Variants in CPNE8 observed in about 807,000 individuals in gnomAD.
CPNE8 encodes copine-8.
In CPNE8, 45 loss-of-function variants were observed where a neutral mutation model predicts 81.5. That is an observed-to-expected ratio of 0.55 (90% CI 0.44 to 0.71). The LOEUF (loss-of-function observed/expected upper bound fraction) is 0.71, where lower values mean the gene tolerates loss of function less well. Ranked by LOEUF, CPNE8 falls within the 30% of genes least tolerant of loss-of-function variation. CPNE8 has a pLI of 0.00. For missense variants in CPNE8, 594 were observed against 672.1 expected, an observed-to-expected ratio of 0.88 and a Z score of 1.28; for synonymous variants, 252 against 226.3, an observed-to-expected ratio of 1.11 and a Z score of -1.02.
chr12:38,709,722 G>T (rs1356152845), intron 13 of CPNE8, among the ~76,000 whole-genome samples: 2 of 152,084 alleles, frequency 1.3e-5, no homozygotes, highest in African/African-American at 2.4e-5. Context: ...AGAGGTTCAG[G>T]TTATTGCAAA....
intron 11 of CPNE8, among the ~76,000 whole-genome samples, chr12:38,727,634 G>T (rs561128910): frequency 6.6e-6 from 1 of 152,148 alleles, no homozygotes; most frequent in Non-Finnish European, 1.5e-5. Context: ...CTATCTCCAG[G>T]ACATTTGTTG....
intron 3 of CPNE8, among the ~76,000 whole-genome samples, chr12:38,856,740 A>G (rs1237073719): frequency 1.3e-5 from 2 of 152,218 alleles, no homozygotes; most frequent in African/African-American, 4.8e-5. Flanking sequence ...TTCATGTTGT[A>G]CTGCAAGAAA....
At chr12:38,711,660 A>C (rs1159590006) in intron 13 of CPNE8, among the ~76,000 whole-genome samples, 2 of 151,912 alleles carry the variant, frequency 1.3e-5, no homozygotes, top group African/African-American at 4.8e-5. Context: ...GTAGAGACGG[A>C]GTTTCACCAT....
At chr12:38,668,700 A>G (rs1217574241) in intron 19 of CPNE8, among the ~76,000 whole-genome samples, 1 of 152,128 alleles carries the variant, frequency 6.6e-6, no homozygotes, top group Non-Finnish European at 1.5e-5. Context: ...AATTACTTAG[A>G]CCTATAATTA....
At chr12:38,700,504 C>T (rs575567894) in intron 14 of CPNE8, among the ~76,000 whole-genome samples, 12 of 152,168 alleles carry the variant, frequency 7.9e-5, no homozygotes, top group African/African-American at 2.4e-4. Flanking sequence ...GGAATACAGG[C>T]GTGAGCCACT....
At chr12:38,654,496 C>A (rs1218721421) in intron 19 of CPNE8, among the ~76,000 whole-genome samples, 11 of 118,286 alleles carry the variant, frequency 9.3e-5, no homozygotes, top group Non-Finnish European at 1.8e-4. Context: ...GCCTGGCCGA[C>A]AGAGCGAGAC....
chr12:38,868,077 C>T (rs1365497579), intron 3 of CPNE8, among the ~76,000 whole-genome samples: 1 of 151,976 alleles, frequency 6.6e-6, no homozygotes, highest in African/African-American at 2.4e-5. Flanking sequence ...AACATAAATT[C>T]ATATGGCTTG....
At chr12:38,655,418 T>A (rs1938795532) in intron 19 of CPNE8, among the ~76,000 whole-genome samples, 1 of 152,150 alleles carries the variant, frequency 6.6e-6, no homozygotes, top group African/African-American at 2.4e-5. Flanking sequence ...AATGTTGTGA[T>A]AATTTAAGAG....
At chr12:38,750,942 G>A (rs1287985648) in intron 10 of CPNE8, among the ~76,000 whole-genome samples, 2 of 152,192 alleles carry the variant, frequency 1.3e-5, no homozygotes, top group Admixed American at 6.5e-5. Flanking sequence ...ATTCCCACGT[G>A]TTGTGGGAGG....
chr12:38,876,263 G>A (rs1944064694), intron 1 of CPNE8, among the ~76,000 whole-genome samples: 1 of 152,170 alleles, frequency 6.6e-6, no homozygotes, highest in Non-Finnish European at 1.5e-5. Flanking sequence ...CCAGGCTGGA[G>A]TGCAATGGTG....
intron 5 of CPNE8, among the ~76,000 whole-genome samples, chr12:38,833,104 G>A (rs956296844): frequency 6.6e-6 from 1 of 151,994 alleles, no homozygotes; most frequent in Non-Finnish European, 1.5e-5. Context: ...TGTAATCCCA[G>A]CACTTTGGGA....
chr12:38,854,032 G>T (rs951605612), intron 3 of CPNE8, among the ~76,000 whole-genome samples: 33 of 152,110 alleles, frequency 2.2e-4, no homozygotes, highest in Non-Finnish European at 4.4e-4. Context: ...TTAAATCTTA[G>T]TAGCCATGAT....
intron 6 of CPNE8, among the ~76,000 whole-genome samples, chr12:38,790,714 A>G (rs1942301225): frequency 6.6e-6 from 1 of 151,726 alleles, no homozygotes; most frequent in Non-Finnish European, 1.5e-5. Flanking sequence ...TATACACCTT[A>G]AATATATATA....
Position 38,796,184 on chromosome 12 carries a change from G to A in CPNE8, c.408-19883C>T, listed in dbSNP as rs143294713. 9.4e-3 allele frequency among the ~76,000 whole-genome samples: 1,430 copies of A among 152,234 alleles called. 20 individuals carry two copies. Among genetic ancestry groups the A allele is most frequent in the South Asian group, 0.041 (196 of 4,824 alleles). ...TGCCTGTAATTCCAGCTACTTGGGA[G>A]GCTAAGGCAAAAGAAGCACTTGAAC... is the stretch of plus-strand genomic sequence containing the variant. On this transcript the variant is annotated intron_variant, in intron 6 of 19. Coordinates refer to ENST00000331366, the MANE Select transcript of CPNE8 (RefSeq NM_153634.3).
Position 38,673,119 on chromosome 12 carries a change from T to C in CPNE8, c.1433-2317A>G, listed in dbSNP as rs573807898. Among the ~76,000 whole-genome samples, 423 of 152,214 alleles carry C rather than the reference T, an allele frequency of 2.8e-3. 1 individual carries two copies. The highest frequency in any genetic ancestry group is 9.4e-3 in the African/African-American group (392 of 41,552). Reference sequence around the variant, plus strand: ...GTGAGTGAATTCTCACAAGATCTTATGGTTTTATAAATGGCCCTCTTTCCT... The same window carrying C: ...GTGAGTGAATTCTCACAAGATCTTACGGTTTTATAAATGGCCCTCTTTCCT... On this transcript the variant is annotated intron_variant, in intron 18 of 19. Coordinates refer to ENST00000331366, the MANE Select transcript of CPNE8 (RefSeq NM_153634.3).
intron 19 of CPNE8, among the ~76,000 whole-genome samples, chr12:38,666,222 G>C (rs1199787751): frequency 6.6e-6 from 1 of 152,064 alleles, no homozygotes; most frequent in African/African-American, 2.4e-5. Context: ...AATACAAAAA[G>C]GGTAATAGAT....
Position 38,677,433 on chromosome 12 carries a change from C to T in CPNE8, c.1374+19G>A, listed in dbSNP as rs372130747. ...ATGTTGTCACGTAGCGAGCCCAATA[C>T]GGAGTGACCCCCACTTACATTAACT... On this transcript the variant is annotated intron_variant, in intron 17 of 19. Coordinates refer to ENST00000331366, the MANE Select transcript of CPNE8 (RefSeq NM_153634.3). The T allele has an allele frequency of 4.6e-5, 63 of 1,367,678 alleles. No individual in the cohort carries two copies. In the African/African-American group the frequency reaches 4.7e-4, roughly 10 times the overall value. The allele number at this position is 1,367,678 out of a possible 1,614,324, so 84.7% of individuals were successfully genotyped here.
intron 10 of CPNE8, among the ~76,000 whole-genome samples, chr12:38,731,786 A>G (rs957214578): frequency 1.3e-5 from 2 of 152,050 alleles, no homozygotes; most frequent in African/African-American, 4.8e-5. Flanking sequence ...AGTGTTACAC[A>G]CTACTTTTGG....
intron 3 of CPNE8, among the ~76,000 whole-genome samples, chr12:38,862,501 A>T (rs1943852713): frequency 6.6e-6 from 1 of 152,206 alleles, no homozygotes; most frequent in Non-Finnish European, 1.5e-5. Context: ...ATAGCTTCAA[A>T]TTTTAAAAAA....
Sources: allele counts gnomAD v4.1 joint callset (sites outside exome capture counted in the v4.1 genomes callset), GRCh38; gene constraint gnomAD v4.1.1; transcripts MANE v1.5; gene names NCBI Gene and HGNC (gene_info 2026-07-23, HGNC 2026-07-21).